The following GFPT1 variants were observed in gnomAD, a reference collection of about 807,000 sequenced individuals.
The protein encoded by GFPT1 is glutamine--fructose-6-phosphate aminotransferase [isomerizing] 1.
Under a neutral mutation model 92.0 loss-of-function variants are expected in GFPT1, and 40 were observed. That is an observed-to-expected ratio of 0.43 (90% confidence interval 0.34 to 0.57). The LOEUF (loss-of-function observed/expected upper bound fraction) is 0.57. GFPT1 is among the 20% of genes least tolerant of loss of function. GFPT1 has a pLI of 0.02. For missense variants in GFPT1, 448 were observed against 869.1 expected, an observed-to-expected ratio of 0.52 and a Z score of 6.09; for synonymous variants, 269 against 280.6, an observed-to-expected ratio of 0.96 and a Z score of 0.41.
Position 69,348,211 on chromosome 2 carries a change from A to G in GFPT1, c.969T>C (p.Ala323=). The change falls in exon 11 of 20, where the codon GCT becomes GCC. Residue 323 remains alanine, a synonymous_variant. Transcript: ENST00000357308. ...GGAGTTCCATCTGGAGTGTTTGCAC[A>G]GCTCGTCCGGGGTGATCTCCTGCAG... ...KRTAGDHPGR[A]VQTLQMELQQ... 6.2e-7 allele frequency: 1 copy of G among 1,614,018 alleles called. No individual in the cohort carries two copies. Among genetic ancestry groups the G allele is most frequent in the African/African-American group, 1.3e-5 (1 of 75,056 alleles).
intron 1 of GFPT1, among the ~76,000 whole-genome samples, chr2:69,379,502 T>A (rs1671955603): frequency 6.6e-6 from 1 of 152,138 alleles, no homozygotes; most frequent in Non-Finnish European, 1.5e-5. Flanking sequence ...ACATTCTACA[T>A]TTAAGATTTC....
chr2:69,340,842 T>C (rs185309722), intron 13 of GFPT1, among the ~76,000 whole-genome samples: 41 of 152,324 alleles, frequency 2.7e-4, no homozygotes, highest in Admixed American at 9.8e-4. Flanking sequence ...TGCCCCCAAA[T>C]TGTCTTAGCG....
At chr2:69,340,692 A>G (rs1163659455) in intron 13 of GFPT1, among the ~76,000 whole-genome samples, 2 of 152,312 alleles carry the variant, frequency 1.3e-5, no homozygotes, top group East Asian at 3.9e-4. Flanking sequence ...CAAAAATGTA[A>G]AACAGGATAA....
In GFPT1 at chr2:69,387,126, G is replaced by A. The variant is rs1396275460; in HGVS notation, c.-55C>T. The A allele has an allele frequency of 8.3e-5, 125 of 1,512,686 alleles. 1 individual carries two copies. The highest frequency in any genetic ancestry group is 2.8e-4 in the South Asian group (23 of 81,940). 93.7% of individuals were successfully genotyped at this position (1,512,686 alleles called of 1,614,324 possible). A position where few individuals can be genotyped will look rare whatever the true frequency, so the allele number is the denominator to read the frequency against. On this transcript the variant is annotated 5_prime_UTR_variant, in exon 1 of 20. Transcript: ENST00000357308. ...GGGCGAGTGGCTGGCGGGATCGGGG[G>A]TGCACACACGAGCTTCGGTGGGCAA...
chr2:69,371,973 G>A (rs1184981106), intron 2 of GFPT1, among the ~76,000 whole-genome samples: 7 of 151,240 alleles, frequency 4.6e-5, no homozygotes, highest in East Asian at 3.9e-4. Context: ...AGGCCGAGGC[G>A]GGCAGATCAC....
chr2:69,359,948 T>G (rs764347667), intron 4 of GFPT1, among the ~76,000 whole-genome samples: 1 of 152,218 alleles, frequency 6.6e-6, no homozygotes, highest in African/African-American at 2.4e-5. Flanking sequence ...ATAATTTTCA[T>G]CTTTTTTAAC....
chr2:69,354,699 C>A, intron 7 of GFPT1, 131 bp from the exon 8 acceptor site: 3 of 688,336 alleles, frequency 4.4e-6, no homozygotes, highest in Non-Finnish European at 7.9e-6. Flanking sequence ...GATATAAGAA[C>A]TAGATAAAAA....
chr2:69,355,184 C>A (rs992437378), intron 7 of GFPT1, among the ~76,000 whole-genome samples: 1 of 152,080 alleles, frequency 6.6e-6, no homozygotes, highest in Non-Finnish European at 1.5e-5. Context: ...CTCAAGTGAT[C>A]CCCTTGCCTC....
intron 4 of GFPT1, among the ~76,000 whole-genome samples, chr2:69,362,680 C>T (rs1671503900): frequency 6.6e-6 from 1 of 151,656 alleles, no homozygotes; most frequent in African/African-American, 2.4e-5. Flanking sequence ...ACCTGTAGTC[C>T]CAGCTACTTG....
intron 9 of GFPT1, among the ~76,000 whole-genome samples, chr2:69,351,793 A>G (rs1457311851): frequency 6.6e-6 from 1 of 152,220 alleles, no homozygotes; most frequent in Admixed American, 6.5e-5. Context: ...GAAAAATAAC[A>G]TATTAGTGTT....
chr2:69,361,039 A>G (rs779375784), intron 4 of GFPT1, among the ~76,000 whole-genome samples: 10 of 152,234 alleles, frequency 6.6e-5, no homozygotes, highest in South Asian at 2.1e-4. Flanking sequence ...CCGGCCCCCA[A>G]CAATGTTCTT....
intron 4 of GFPT1, among the ~76,000 whole-genome samples, chr2:69,362,881 C>T (rs990815561): frequency 1.3e-5 from 2 of 151,926 alleles, no homozygotes; most frequent in African/African-American, 4.8e-5. Context: ...AAGACTATTC[C>T]AAGTAACTCT....
rs533737857 is a variant in GFPT1 at position 69,321,516 on chromosome 2, A to T, written c.*4673T>A. The stretch of plus-strand genomic sequence containing the variant: ...ATATTAGCAAATTGCTTCAAAATGA[A>T]ATTCTAAGCAAGTTTTTGGTAATTT... On this transcript the variant is annotated 3_prime_UTR_variant, in exon 20 of 20. Coordinates refer to ENST00000357308, the MANE Select transcript of GFPT1 (RefSeq NM_001244710.2). The T allele has an allele frequency of 3.3e-5, 5 of 152,344 alleles. No individual in the cohort carries two copies. Among genetic ancestry groups the T allele is most frequent in the African/African-American group, 1.2e-4 (5 of 41,572 alleles). The allele number at this position is 152,344 out of a possible 1,614,324, so 9.4% of individuals were successfully genotyped here.
In GFPT1 at chr2:69,327,077, T is replaced by C. The variant is rs776368106; in HGVS notation, c.1894-2A>G. On this transcript the variant is annotated splice_acceptor_variant, in intron 18 of 19. Transcript: ENST00000357308. LOFTEE classifies it high-confidence loss of function. The stretch of plus-strand genomic sequence containing the variant: ...ATCACAAATTACCACAGGCCGCCCC[T>C]AGGAAAGAAAATCACACACATACAC... 6.2e-7 allele frequency: 1 copy of C among 1,613,762 alleles called. No individual in the cohort carries two copies. Among genetic ancestry groups the C allele is most frequent in the South Asian group, 1.1e-5 (1 of 91,044 alleles).
chr2:69,331,738 T>C (rs1670668389), intron 15 of GFPT1, among the ~76,000 whole-genome samples: 1 of 121,238 alleles, frequency 8.2e-6, no homozygotes, highest in Non-Finnish European at 1.8e-5. Context: ...TTTATGGTTT[T>C]TTTCACTTAG....
At position 69,358,366 on chromosome 2, in the gene GFPT1, C is replaced by G. The variant is rs569239042; in HGVS notation, c.506G>C (p.Ser169Thr). The G allele has an allele frequency of 4.4e-5, 71 of 1,611,902 alleles. 2 individuals carry two copies. The South Asian group carries it at 7.6e-4, about 17-fold the overall frequency. ...MYDNRESQDT[S>T]FTTLVERVIQ... ...AACTCTCTCCACCAAGGTAGTAAAGCTGGTATCTTGACTTTCCCGATTGTC... is the reference window on the plus strand; with the variant it reads ...AACTCTCTCCACCAAGGTAGTAAAGGTGGTATCTTGACTTTCCCGATTGTC... The change falls in exon 6 of 20, where the codon AGC becomes ACC. Residue 169 changes from serine (S) to threonine (T), a missense_variant. Around this residue, in one of 7 missense-constraint regions of GFPT1, gnomAD observed 118 missense variants for 192.9 expected, o/e 0.61. Coordinates refer to ENST00000357308, the MANE Select transcript of GFPT1 (RefSeq NM_001244710.2).
chr2:69,342,365 T>C, intron 12 of GFPT1, 116 bp from the exon 13 acceptor site: 1 of 736,692 alleles, frequency 1.4e-6, no homozygotes, highest in Non-Finnish European at 2.4e-6. Flanking sequence ...TTTAAAGAAT[T>C]AATATTCCTC....
At chr2:69,337,607 G>A (rs1211270842) in intron 15 of GFPT1, among the ~76,000 whole-genome samples, 1 of 152,104 alleles carries the variant, frequency 6.6e-6, no homozygotes, top group Non-Finnish European at 1.5e-5. Flanking sequence ...CGATAGACAA[G>A]GATAGCCAGC....
intron 15 of GFPT1, among the ~76,000 whole-genome samples, chr2:69,336,025 C>T (rs1187568526): frequency 8.1e-6 from 1 of 123,042 alleles, no homozygotes; most frequent in Non-Finnish European, 1.7e-5. Flanking sequence ...AGGAGAGACC[C>T]TGTCTCCAAA....
Sources: allele counts gnomAD v4.1 joint callset (sites outside exome capture counted in the v4.1 genomes callset), GRCh38; gene constraint gnomAD v4.1.1; regional missense constraint gnomAD v4.1.1; transcripts MANE v1.5; gene names NCBI Gene and HGNC (gene_info 2026-07-23, HGNC 2026-07-21).